SGCZ: variants seen among roughly 807,000 people sequenced by gnomAD.
SGCZ encodes the protein zeta-sarcoglycan.
SGCZ carries 40 observed loss-of-function variants against 41.3 expected under a neutral mutation model. That is an observed-to-expected ratio of 0.97 (90% CI 0.75 to 1.26). The LOEUF (loss-of-function observed/expected upper bound fraction) is 1.26. Ranked by LOEUF, SGCZ falls within the 50% of genes most tolerant of loss-of-function variation. SGCZ has a pLI of 0.00. For missense variants in SGCZ, 552 were observed against 369.8 expected, an observed-to-expected ratio of 1.49 and a Z score of -4.04; for synonymous variants, 206 against 137.5, an observed-to-expected ratio of 1.50 and a Z score of -3.49.
intron 1 of SGCZ, among the ~76,000 whole-genome samples, chr8:14,727,605 G>A (rs999372898): frequency 3.3e-5 from 5 of 151,550 alleles, no homozygotes; most frequent in African/African-American, 1.2e-4. Flanking sequence ...CCGCCTCCCG[G>A]ATTCACGCCA....
intron 1 of SGCZ, among the ~76,000 whole-genome samples, chr8:14,873,400 G>A (rs1306671802): frequency 6.6e-6 from 1 of 151,952 alleles, no homozygotes; most frequent in East Asian, 1.9e-4. Context: ...GATTGCCTCT[G>A]GATAACTTTG....
chr8:14,147,544 C>G (rs1803564358), intron 5 of SGCZ, among the ~76,000 whole-genome samples: 2 of 152,234 alleles, frequency 1.3e-5, no homozygotes, highest in South Asian at 2.1e-4. Context: ...GCACCCAACA[C>G]TGGGACATCC....
At chr8:14,816,260 T>C (rs941834226) in intron 1 of SGCZ, among the ~76,000 whole-genome samples, 1 of 152,216 alleles carries the variant, frequency 6.6e-6, no homozygotes, top group Non-Finnish European at 1.5e-5. Context: ...AGCACAGTTC[T>C]ACAGCTCTTC....
chr8:15,065,588 G>C (rs1042248615), intron 1 of SGCZ, among the ~76,000 whole-genome samples: 1 of 151,800 alleles, frequency 6.6e-6, no homozygotes, highest in African/African-American at 2.4e-5. Context: ...GGGAGTACAG[G>C]GGTGCACCCA....
intron 1 of SGCZ, among the ~76,000 whole-genome samples, chr8:15,207,610 A>C: frequency 6.6e-6 from 1 of 152,204 alleles, no homozygotes; most frequent in East Asian, 1.9e-4. Flanking sequence ...CAGGAATCCT[A>C]GAGAAGGCAG....
At chr8:14,833,512 T>G (rs1563302272) in intron 1 of SGCZ, among the ~76,000 whole-genome samples, 1 of 152,222 alleles carries the variant, frequency 6.6e-6, no homozygotes, top group Non-Finnish European at 1.5e-5. Context: ...TTCTGTGAAC[T>G]GACATCCTTG....
chr8:14,965,512 G>T (rs932050167), intron 1 of SGCZ, among the ~76,000 whole-genome samples: 1 of 152,040 alleles, frequency 6.6e-6, no homozygotes, highest in Admixed American at 6.6e-5. Flanking sequence ...TATTAAACAA[G>T]AATAAGTGGG....
At chr8:14,219,435 T>G (rs530841639) in intron 4 of SGCZ, among the ~76,000 whole-genome samples, 2 of 152,262 alleles carry the variant, frequency 1.3e-5, no homozygotes, top group Admixed American at 1.3e-4. Flanking sequence ...CGACTGCACG[T>G]TGGACAACCA....
intron 2 of SGCZ, among the ~76,000 whole-genome samples, chr8:14,330,638 T>C (rs1333244936): frequency 6.6e-6 from 1 of 151,956 alleles, no homozygotes; most frequent in Non-Finnish European, 1.5e-5. Context: ...TAAAATGACA[T>C]TTGAAATTTA....
chr8:14,592,139 T>C (rs945611718), intron 1 of SGCZ, among the ~76,000 whole-genome samples: 5 of 152,212 alleles, frequency 3.3e-5, no homozygotes, highest in African/African-American at 9.6e-5. Flanking sequence ...CTAAGTTTCC[T>C]ATAAATCAGT....
intron 2 of SGCZ, among the ~76,000 whole-genome samples, chr8:14,342,472 C>T (rs982063803): frequency 5.9e-5 from 9 of 152,174 alleles, no homozygotes; most frequent in East Asian, 1.9e-4. Flanking sequence ...CCCGCCATCA[C>T]GCCCGGCTAA....
intron 1 of SGCZ, among the ~76,000 whole-genome samples, chr8:14,587,575 G>T (rs1414250860): frequency 5.9e-5 from 9 of 152,158 alleles, no homozygotes; most frequent in Non-Finnish European, 1.2e-4. Flanking sequence ...AACAGCACAT[G>T]CTGTTTTGCT....
At chr8:14,479,924 T>A (rs201020854) in intron 2 of SGCZ, among the ~76,000 whole-genome samples, 1 of 151,800 alleles carries the variant, frequency 6.6e-6, no homozygotes, top group African/African-American at 2.4e-5. Flanking sequence ...TTTGTATTTT[T>A]AGTAAAGATA....
At chr8:14,115,577 G>A (rs1057282346) in intron 5 of SGCZ, among the ~76,000 whole-genome samples, 10 of 151,950 alleles carry the variant, frequency 6.6e-5, no homozygotes, top group Non-Finnish European at 1.2e-4. Flanking sequence ...TTTGTCTTAA[G>A]ATTTGGACAT....
intron 4 of SGCZ, among the ~76,000 whole-genome samples, chr8:14,179,714 C>T (rs568165985): frequency 2.0e-5 from 3 of 152,132 alleles, no homozygotes; most frequent in Non-Finnish European, 4.4e-5. Context: ...TTGGGTAAGA[C>T]ATGTAACATA....
At chr8:14,696,486 G>C (rs1014446321) in intron 1 of SGCZ, among the ~76,000 whole-genome samples, 1 of 152,058 alleles carries the variant, frequency 6.6e-6, no homozygotes, top group Non-Finnish European at 1.5e-5. Context: ...AATAATTGCA[G>C]AGCAAAAAGG....
intron 5 of SGCZ, among the ~76,000 whole-genome samples, chr8:14,149,467 G>A (rs1563154513): frequency 6.6e-6 from 1 of 152,010 alleles, no homozygotes; most frequent in South Asian, 2.1e-4. Context: ...AACCAATGGA[G>A]TGAAAAATGT....
At position 14,088,701 on chromosome 8, in the gene SGCZ, C is replaced by G. The variant is rs1801600472; in HGVS notation, c.*1742G>C. Among the ~76,000 whole-genome samples the G allele has an allele frequency of 6.6e-6, 1 of 151,692 alleles. No homozygotes were observed. The highest frequency in any genetic ancestry group is 6.6e-5 in the Admixed American group (1 of 15,170). Reference sequence around the variant, plus strand: ...AACAGTAATAAATTAGCCTTTGAACCCTTCTGCTGAGTACAGTGGAAATGA... The same window carrying G: ...AACAGTAATAAATTAGCCTTTGAACGCTTCTGCTGAGTACAGTGGAAATGA... On this transcript the variant is annotated 3_prime_UTR_variant, in exon 8 of 8. Transcript: ENST00000382080.
chr8:15,226,909 C>A (rs903757732), intron 1 of SGCZ, among the ~76,000 whole-genome samples: 1 of 152,124 alleles, frequency 6.6e-6, no homozygotes. Context: ...AAGTAGAGAA[C>A]GATCTTCTGA....
Sources: allele counts gnomAD v4.1 joint callset (sites outside exome capture counted in the v4.1 genomes callset), GRCh38; gene constraint gnomAD v4.1.1; transcripts MANE v1.5; gene names NCBI Gene and HGNC (gene_info 2026-07-23, HGNC 2026-07-21).